The following COL21A1 variants were observed in gnomAD, a reference collection of about 807,000 sequenced individuals.
COL21A1 encodes collagen type XXI alpha 1 chain.
COL21A1 carries 149 observed loss-of-function variants against 137.9 expected under a neutral mutation model. The observed-to-expected ratio is 1.08, with a 90% CI of 0.95 to 1.24. The LOEUF (loss-of-function observed/expected upper bound fraction) is 1.24. Among genes scored for constraint, COL21A1 ranks in the 50% most tolerant of loss-of-function variants. COL21A1 has a pLI of 0.00. For synonymous variants in COL21A1, 456 were observed against 391.5 expected (o/e 1.16, Z -1.95); for missense variants, 1,167 against 1,158.4 (o/e 1.01, Z -0.11).
chr6:56,116,110 A>G (rs1159095885), intron 16 of COL21A1, among the ~76,000 whole-genome samples: 1 of 152,084 alleles, frequency 6.6e-6, no homozygotes, highest in African/African-American at 2.4e-5. Context: ...ACTTTATTCA[A>G]AGGGTTAACA....
chr6:56,307,376 T>C (rs1018083978), intron 1 of COL21A1, among the ~76,000 whole-genome samples: 7 of 152,322 alleles, frequency 4.6e-5, no homozygotes, highest in African/African-American at 1.4e-4. Context: ...TCCACCCAGT[T>C]CCAGCTTCCC....
chr6:56,060,530 CA>C (rs1364414550), intron 27 of COL21A1: 3 of 481,364 alleles, frequency 6.2e-6, no homozygotes, highest in African/African-American at 6.1e-5. Context: ...CAAATAATGG[CA>C]AAATAATAAA....
chr6:56,186,574 T>A (rs2152286509), intron 1 of COL21A1, among the ~76,000 whole-genome samples: 1 of 152,286 alleles, frequency 6.6e-6, no homozygotes, highest in East Asian at 1.9e-4. Context: ...TCATTTTTTA[T>A]GGAAAACGTG....
intron 21 of COL21A1, among the ~76,000 whole-genome samples, chr6:56,069,454 C>T (rs1273518080): frequency 2.0e-5 from 3 of 150,516 alleles, no homozygotes; most frequent in Non-Finnish European, 4.5e-5. Context: ...TTTTGTTTAC[C>T]TATTTACTAA....
chr6:56,276,286 A>T (rs1279542635), intron 1 of COL21A1, among the ~76,000 whole-genome samples: 1 of 152,184 alleles, frequency 6.6e-6, no homozygotes, highest in Non-Finnish European at 1.5e-5. Flanking sequence ...TACTTGGGTG[A>T]TAGGTTCAAT....
chr6:56,347,711 A>G (rs887769122), intron 1 of COL21A1, among the ~76,000 whole-genome samples: 4 of 152,072 alleles, frequency 2.6e-5, no homozygotes, highest in African/African-American at 9.7e-5. Context: ...CTGACTCTTG[A>G]TGAGTAAAGG....
intron 23 of COL21A1, among the ~76,000 whole-genome samples, chr6:56,065,035 TA>T (rs1048611185): frequency 1.1e-4 from 17 of 151,978 alleles, no homozygotes; most frequent in African/African-American, 3.9e-4. Flanking sequence ...ATTTTATTTT[TA>T]AAAATTAAAA....
rs539647989 is a variant in COL21A1, at chr6:56,143,508, A to G, written c.1435-1525T>C. On this transcript the variant is annotated intron_variant, in intron 10 of 29. Coordinates refer to ENST00000244728, the MANE Select transcript of COL21A1 (RefSeq NM_030820.4). Reference sequence around the variant, plus strand: ...AGCCACTGCACCCGGCCGACTATACAATTTTTTATCACCAACCATCATCCT... The same window carrying G: ...AGCCACTGCACCCGGCCGACTATACGATTTTTTATCACCAACCATCATCCT... Among the ~76,000 whole-genome samples the G allele has an allele frequency of 5.9e-5, 9 of 152,160 alleles. No homozygotes were observed. In the East Asian group the frequency reaches 1.5e-3, roughly 26 times the overall value.
intron 1 of COL21A1, among the ~76,000 whole-genome samples, chr6:56,257,591 G>A (rs1763134265): frequency 6.6e-6 from 1 of 152,098 alleles, no homozygotes; most frequent in Non-Finnish European, 1.5e-5. Flanking sequence ...AACATTTTCT[G>A]TAAAGACCCA....
intron 1 of COL21A1, among the ~76,000 whole-genome samples, chr6:56,200,519 G>A (rs910009096): frequency 7.4e-6 from 1 of 134,910 alleles, no homozygotes; most frequent in African/African-American, 2.9e-5. Flanking sequence ...TGTTCTCATT[G>A]TTCAATTCCC....
intron 1 of COL21A1, among the ~76,000 whole-genome samples, chr6:56,369,722 T>C (rs1273708485): frequency 6.6e-6 from 1 of 152,140 alleles, no homozygotes; most frequent in Non-Finnish European, 1.5e-5. Context: ...AGGATGTAAA[T>C]AGCCAATTCG....
chr6:56,200,666 G>A (rs1779327998), intron 1 of COL21A1, among the ~76,000 whole-genome samples: 1 of 151,960 alleles, frequency 6.6e-6, no homozygotes, highest in Admixed American at 6.6e-5. Flanking sequence ...GTATTCCATG[G>A]TGTATATGTG....
At chr6:56,307,587 G>A (rs1045581425) in intron 1 of COL21A1, among the ~76,000 whole-genome samples, 4 of 152,236 alleles carry the variant, frequency 2.6e-5, no homozygotes, top group Non-Finnish European at 5.9e-5. Flanking sequence ...CAGTATTAGG[G>A]TGGGAGTGAC....
chr6:56,060,648 C>T lies in COL21A1; in HGVS notation c.2407+93G>A, dbSNP rs1765708405. On this transcript the variant is annotated intron_variant, in intron 27 of 29. Transcript: ENST00000244728. ...TATAAATGTTATCTGTTTTCTTCTT[C>T]ACCTCACTTATATCCTCTACAATAT... The T allele has an allele frequency of 6.3e-6, 6 of 953,076 alleles. No individual in the cohort carries two copies. In the South Asian group the frequency reaches 1.2e-4, roughly 20 times the overall value. 59.0% of individuals were successfully genotyped at this position (953,076 alleles called of 1,614,324 possible). A position where few individuals can be genotyped will look rare whatever the true frequency, so the allele number is the denominator to read the frequency against.
At chr6:56,324,804 C>A (rs1359955497) in intron 1 of COL21A1, among the ~76,000 whole-genome samples, 2 of 151,948 alleles carry the variant, frequency 1.3e-5, no homozygotes, top group African/African-American at 4.8e-5. Context: ...AAAAATAGCA[C>A]GTGCAGGAAG....
chr6:56,201,876 A>G (rs12193215), intron 1 of COL21A1, among the ~76,000 whole-genome samples: 11,099 of 152,286 alleles, frequency 0.073, 451 homozygotes, highest in Middle Eastern at 0.13. Flanking sequence ...ACATTTTAGT[A>G]TACTAAAAAT....
At chr6:56,334,957 T>C (rs1765305024) in intron 1 of COL21A1, among the ~76,000 whole-genome samples, 1 of 152,192 alleles carries the variant, frequency 6.6e-6, no homozygotes, top group Non-Finnish European at 1.5e-5. Context: ...TTCTTGAACT[T>C]CCAGGCCTTC....
intron 1 of COL21A1, among the ~76,000 whole-genome samples, chr6:56,303,976 T>C (rs1303486736): frequency 1.3e-5 from 2 of 152,220 alleles, no homozygotes; most frequent in Non-Finnish European, 2.9e-5. Context: ...CTTTTCTGCA[T>C]CTGTTGAGAG....
At chr6:56,350,762 G>A (rs886923648) in intron 1 of COL21A1, among the ~76,000 whole-genome samples, 3 of 152,178 alleles carry the variant, frequency 2.0e-5, no homozygotes, top group African/African-American at 7.2e-5. Flanking sequence ...CCATAAGTTA[G>A]TAACCTAGGG....
Sources: allele counts gnomAD v4.1 joint callset (sites outside exome capture counted in the v4.1 genomes callset), GRCh38; gene constraint gnomAD v4.1.1; transcripts MANE v1.5; gene names NCBI Gene and HGNC (gene_info 2026-07-23, HGNC 2026-07-21).